KIRREL3: variants seen among roughly 807,000 people sequenced by gnomAD.
KIRREL3 encodes kin of IRRE-like protein 3.
A neutral mutation model predicts 89.7 loss-of-function variants in KIRREL3; 36 were observed. The ratio of observed to expected loss-of-function variants is 0.40; its 90% CI spans 0.31 to 0.53. The LOEUF is 0.53. Among genes scored for constraint, KIRREL3 ranks in the 20% least tolerant of loss-of-function variants. The pLI is 0.49. For synonymous variants in KIRREL3, 445 were observed against 441.4 expected, an observed-to-expected ratio of 1.01 and a Z score of -0.10; for missense variants, 864 against 1,056.6, an observed-to-expected ratio of 0.82 and a Z score of 2.53.
rs1938611617 is a variant in KIRREL3, at chr11:126,544,346, G to C, written c.134-17659C>G. ...GGTAATTTACTAAGGCTGGAAGAAC[G>C]GGGCAGGAGGGATTCTGAATGGGAG... On this transcript the variant is annotated intron_variant, in intron 2 of 16. Coordinates refer to ENST00000525144, the MANE Select transcript of KIRREL3 (RefSeq NM_032531.4). This position sits in a 1 kb window ranked among gnomAD's most constrained non-coding sequence, Gnocchi z 5.6. 6.6e-6 allele frequency: 1 copy of C among 152,174 alleles called. No homozygotes were observed. The highest frequency in any genetic ancestry group is 1.5e-5 in the Non-Finnish European group (1 of 68,040). 9.4% of individuals were successfully genotyped at this position (152,174 alleles called of 1,614,324 possible).
At position 126,854,029 on chromosome 11, in the gene KIRREL3, G is replaced by C. The variant is rs564575115; in HGVS notation, c.55+146426C>G. ...TCCTCTTACAGCATTCAGGGAAAAGGGTTCTCCAGTCTTGATTGTGGATCT... is the reference window on the plus strand; with the variant it reads ...TCCTCTTACAGCATTCAGGGAAAAGCGTTCTCCAGTCTTGATTGTGGATCT... On this transcript the variant is annotated intron_variant, in intron 1 of 16. Transcript: ENST00000525144. 1.3e-4 allele frequency among the ~76,000 whole-genome samples: 19 copies of C among 151,736 alleles called. 1 individual carries two copies. Among genetic ancestry groups the C allele is most frequent in the African/African-American group, 4.1e-4 (17 of 41,380 alleles).
In KIRREL3 at chr11:126,535,776, G is replaced by T. The variant is rs1418658137; in HGVS notation, c.134-9089C>A. ...GAGGCGGGTGGATCACCTGAGGTCAGGGGTTCGAGACCAGCCTGACCAACA... is the reference window on the plus strand; with the variant it reads ...GAGGCGGGTGGATCACCTGAGGTCATGGGTTCGAGACCAGCCTGACCAACA... On this transcript the variant is annotated intron_variant, in intron 2 of 16. Transcript: ENST00000525144. This position sits in a 1 kb window ranked among gnomAD's most constrained non-coding sequence, Gnocchi z 4.5. 6.6e-6 allele frequency among the ~76,000 whole-genome samples: 1 copy of T among 152,244 alleles called. No homozygotes were observed. The highest frequency in any genetic ancestry group is 2.4e-5 in the African/African-American group (1 of 41,468).
rs1332177779 is a variant in KIRREL3, at chr11:126,636,851, G to A, written c.56-73939C>T. On this transcript the variant is annotated intron_variant, in intron 1 of 16. Transcript: ENST00000525144. This position sits in a 1 kb window ranked among gnomAD's most constrained non-coding sequence, Gnocchi z 4.4. ...CACTTACTCTATAGCCTTAGGCAAG[G>A]CACTTAATGCCATTGCATGCCATTG... is the stretch of plus-strand genomic sequence containing the variant. 6.6e-6 allele frequency among the ~76,000 whole-genome samples: 1 copy of A among 152,168 alleles called. No homozygotes were observed. Among genetic ancestry groups the A allele is most frequent in the East Asian group, 1.9e-4 (1 of 5,182 alleles).
chr11:126,784,836 G>A (rs1950436708), intron 1 of KIRREL3, among the ~76,000 whole-genome samples: 1 of 152,176 alleles, frequency 6.6e-6, no homozygotes, highest in African/African-American at 2.4e-5. Flanking sequence ...AGTACTAATT[G>A]GTGCTAGAAA....
intron 4 of KIRREL3, among the ~76,000 whole-genome samples, chr11:126,518,594 C>T (rs562448039): frequency 3.9e-5 from 6 of 152,370 alleles, no homozygotes; most frequent in Admixed American, 3.3e-4. Context: ...GGCAGCCCCC[C>T]TTGGGGAACT....
At chr11:126,650,275 C>A (rs1036143639) in intron 1 of KIRREL3, among the ~76,000 whole-genome samples, 1 of 152,216 alleles carries the variant, frequency 6.6e-6, no homozygotes, top group Non-Finnish European at 1.5e-5. Context: ...GATTAACATT[C>A]GACTCCTCAT....
chr11:126,646,907 A>G (rs1473248328), intron 1 of KIRREL3, among the ~76,000 whole-genome samples: 1 of 152,176 alleles, frequency 6.6e-6, no homozygotes, highest in African/African-American at 2.4e-5. Context: ...TTTTCCCCAC[A>G]AGCCAATGTG....
intron 6 of KIRREL3, among the ~76,000 whole-genome samples, chr11:126,461,939 C>T (rs546963295): frequency 0.023 from 3,506 of 152,312 alleles, 49 homozygotes; most frequent in Non-Finnish European, 0.035. Flanking sequence ...AAGCAGCCAC[C>T]TGCTTGCAGT....
intron 1 of KIRREL3, among the ~76,000 whole-genome samples, chr11:126,988,091 G>A (rs1160383112): frequency 6.6e-6 from 1 of 152,184 alleles, no homozygotes; most frequent in African/African-American, 2.4e-5. Context: ...GTTCTGGAAA[G>A]TCTTTTTATG....
rs572367790 is a variant in KIRREL3 at position 126,525,133 on chromosome 11, C to A, written c.283+1405G>T. Among the ~76,000 whole-genome samples the A allele has an allele frequency of 6.6e-6, 1 of 152,164 alleles. No individual in the cohort carries two copies. Among genetic ancestry groups the A allele is most frequent in the South Asian group, 2.1e-4 (1 of 4,826 alleles). ...CAGTTATCCATGCTGAGATGACCAC[C>A]GTATGCACTATCCCTGCTGACCTGA... On this transcript the variant is annotated intron_variant, in intron 3 of 16. Coordinates refer to ENST00000525144, the MANE Select transcript of KIRREL3 (RefSeq NM_032531.4). The surrounding 1 kb of genome is among the most constrained non-coding windows in gnomAD (Gnocchi z 5.4).
rs1941278747 is a variant in KIRREL3, at chr11:126,576,828, C to A, written c.56-13916G>T. 6.6e-6 allele frequency among the ~76,000 whole-genome samples: 1 copy of A among 152,222 alleles called. No homozygotes were observed. The highest frequency in any genetic ancestry group is 2.4e-5 in the African/African-American group (1 of 41,466). On this transcript the variant is annotated intron_variant, in intron 1 of 16. Transcript: ENST00000525144. This position sits in a 1 kb window ranked among gnomAD's most constrained non-coding sequence, Gnocchi z 5.4. The stretch of plus-strand genomic sequence containing the variant: ...TGAGCCACAAATGAGGCTCTCCCTA[C>A]TGGAATGCAGAAGGAAGGACAAGAG...
intron 1 of KIRREL3, among the ~76,000 whole-genome samples, chr11:126,746,107 A>C (rs959521549): frequency 6.6e-6 from 1 of 151,972 alleles, no homozygotes; most frequent in Non-Finnish European, 1.5e-5. Context: ...CACCCTTTAA[A>C]TGTTGGTGGT....
chr11:126,703,727 G>C lies in KIRREL3; in HGVS notation c.56-140815C>G, dbSNP rs905135971. ...AAGCCTGGGCCCTCTGACTGCCTGG[G>C]CCAGTGTTTCCGTGCCAGAAACCCT... On this transcript the variant is annotated intron_variant, in intron 1 of 16. Coordinates refer to ENST00000525144, the MANE Select transcript of KIRREL3 (RefSeq NM_032531.4). This position sits in a 1 kb window ranked among gnomAD's most constrained non-coding sequence, Gnocchi z 4.6. Among the ~76,000 whole-genome samples the C allele has an allele frequency of 1.3e-5, 2 of 152,224 alleles. No homozygotes were observed. Among genetic ancestry groups the C allele is most frequent in the African/African-American group, 4.8e-5 (2 of 41,458 alleles).
rs374040707 is a variant in KIRREL3, at chr11:126,663,585, T to G, written c.56-100673A>C. On this transcript the variant is annotated intron_variant, in intron 1 of 16. Coordinates refer to ENST00000525144, the MANE Select transcript of KIRREL3 (RefSeq NM_032531.4). The stretch of plus-strand genomic sequence containing the variant: ...ATCCACTTGTCATAATTAAAACATC[T>G]CATGGAAGCGTATGCTTCTGTGCTT... Among the ~76,000 whole-genome samples the G allele has an allele frequency of 3.3e-5, 5 of 152,286 alleles. No homozygotes were observed. In the East Asian group the frequency reaches 5.8e-4, roughly 18 times the overall value.
In KIRREL3 at chr11:126,617,324, G is replaced by A. The variant is rs1943393866; in HGVS notation, c.56-54412C>T. Among the ~76,000 whole-genome samples the A allele has an allele frequency of 2.0e-5, 3 of 152,236 alleles. No individual in the cohort carries two copies. In the South Asian group the frequency reaches 6.2e-4, roughly 31 times the overall value. ...GGCCTCTTCTCTCTTATAACTCTGA[G>A]GGGCAGGAGGAGAGAGCTGGGAATC... On this transcript the variant is annotated intron_variant, in intron 1 of 16. Coordinates refer to ENST00000525144, the MANE Select transcript of KIRREL3 (RefSeq NM_032531.4).
At position 126,551,963 on chromosome 11, in the gene KIRREL3, T is replaced by C. The variant is rs1939301523; in HGVS notation, c.133+10872A>G. On this transcript the variant is annotated intron_variant, in intron 2 of 16. Transcript: ENST00000525144. This position sits in a 1 kb window ranked among gnomAD's most constrained non-coding sequence, Gnocchi z 4.9. ...GCCCAGCCTGCAGGCTTTCTTTAGATTTGAAGAAAAGATTCCAAAACCAGG... is the reference window on the plus strand; with the variant it reads ...GCCCAGCCTGCAGGCTTTCTTTAGACTTGAAGAAAAGATTCCAAAACCAGG... Among the ~76,000 whole-genome samples the C allele has an allele frequency of 6.6e-6, 1 of 152,220 alleles. No individual in the cohort carries two copies. Among genetic ancestry groups the C allele is most frequent in the Admixed American group, 6.5e-5 (1 of 15,288 alleles).
In KIRREL3 at chr11:126,769,512, C is replaced by T. The variant is rs568135744; in HGVS notation, c.56-206600G>A. 5.9e-5 allele frequency among the ~76,000 whole-genome samples: 9 copies of T among 152,288 alleles called. No individual in the cohort carries two copies. Among genetic ancestry groups the T allele is most frequent in the Admixed American group, 1.3e-4 (2 of 15,298 alleles). ...TCTTCTCTCTAACAGTTAATGAGAA[C>T]GATAGGTATTGATTTGCATATGATA... On this transcript the variant is annotated intron_variant, in intron 1 of 16. Coordinates refer to ENST00000525144, the MANE Select transcript of KIRREL3 (RefSeq NM_032531.4). This position sits in a 1 kb window ranked among gnomAD's most constrained non-coding sequence, Gnocchi z 4.3.
At chr11:126,863,130 C>T (rs956622331) in intron 1 of KIRREL3, among the ~76,000 whole-genome samples, 1 of 152,262 alleles carries the variant, frequency 6.6e-6, no homozygotes, top group Admixed American at 6.5e-5. Flanking sequence ...TTGCTGCCTG[C>T]TTCCCCCACA....
rs535366321 is a variant in KIRREL3 at position 126,490,500 on chromosome 11, C to T, written c.434-17034G>A. Among the ~76,000 whole-genome samples the T allele has an allele frequency of 2.6e-4, 40 of 152,218 alleles. No homozygotes were observed. The highest frequency in any genetic ancestry group is 4.1e-4 in the South Asian group (2 of 4,820). The stretch of plus-strand genomic sequence containing the variant: ...AATCCTGGGGGCTGAGATACAACCT[C>T]AGTGAACAAGCCACTGGGCCAGGGA... On this transcript the variant is annotated intron_variant, in intron 4 of 16. Coordinates refer to ENST00000525144, the MANE Select transcript of KIRREL3 (RefSeq NM_032531.4). The surrounding 1 kb of genome is among the most constrained non-coding windows in gnomAD (Gnocchi z 4.2).
Sources: gnomAD v4.1 joint callset for allele counts (sites outside exome capture counted in the v4.1 genomes callset) on GRCh38, gnomAD v4.1.1 for gene constraint, Gnocchi (gnomAD v3.1) non-coding constraint, MANE v1.5 for transcripts, NCBI Gene and HGNC (gene_info 2026-07-23, HGNC 2026-07-21) for gene names.